The following ABCA3 variants were observed in gnomAD, a reference collection of about 807,000 sequenced individuals.
ABCA3 encodes ATP binding cassette subfamily A member 3, also known as phospholipid-transporting ATPase ABCA3.
Under a neutral mutation model 172.8 loss-of-function variants are expected in ABCA3, and 88 were observed. The ratio of observed to expected loss-of-function variants is 0.51; its 90% CI spans 0.43 to 0.61. ABCA3 has a LOEUF of 0.61. ABCA3 is among the 20% of genes least tolerant of loss of function. ABCA3 has a pLI of 0.00. For missense variants in ABCA3, 2,164 were observed against 2,301.0 expected (o/e 0.94, Z 1.22); for synonymous variants, 1,066 against 983.8 (o/e 1.08, Z -1.56).
intron 10 of ABCA3, among the ~76,000 whole-genome samples, chr16:2,312,846 T>C (rs1173297045): frequency 3.9e-5 from 6 of 151,946 alleles, no homozygotes; most frequent in African/African-American, 1.5e-4. Flanking sequence ...TTGCATTTTT[T>C]TTTTTTCAGC....
Position 2,286,729 on chromosome 16 carries a change from C to T in ABCA3, c.3243G>A (p.Arg1081=). Residue 1081 remains arginine, a synonymous_variant, in exon 22 of 33, where the codon CGG becomes CGA. Transcript: ENST00000301732. The surrounding 1 kb of genome is among the most constrained non-coding windows in gnomAD (Gnocchi z 5.2). ...GGTCCTTGGCAGCCTGCAGGGCGCTCCGGGGCTGGGGGAAGTTGGAGACCA... is the reference window on the plus strand; with the variant it reads ...GGTCCTTGGCAGCCTGCAGGGCGCTTCGGGGCTGGGGGAAGTTGGAGACCA... The part of the protein sequence containing the change: ...SIVVSNFPQP[R]SALQAAKDQF... 1 of 1,613,742 alleles carries T rather than the reference C, an allele frequency of 6.2e-7. No individual in the cohort carries two copies. The highest frequency in any genetic ancestry group is 1.1e-5 in the South Asian group (1 of 91,064).
intron 7 of ABCA3, among the ~76,000 whole-genome samples, chr16:2,320,133 C>T (rs2141733540): frequency 6.6e-6 from 1 of 151,972 alleles, no homozygotes; most frequent in Admixed American, 6.5e-5. Context: ...GAATCTCACT[C>T]TGTCGCCCAG....
chr16:2,278,158 C>T lies in ABCA3; in HGVS notation c.4719-89G>A. 1 of 1,600,438 alleles carries T rather than the reference C, an allele frequency of 6.2e-7. No homozygotes were observed. The highest frequency in any genetic ancestry group is 8.5e-7 in the Non-Finnish European group (1 of 1,174,942). The stretch of plus-strand genomic sequence containing the variant: ...CATTGGCTCTCCGATCAGGCTGTTC[C>T]TGATACCCATGCTCAGTGTGGCTCA... On this transcript the variant is annotated intron_variant, in intron 30 of 32. Coordinates refer to ENST00000301732, the MANE Select transcript of ABCA3 (RefSeq NM_001089.3). The surrounding 1 kb of genome is among the most constrained non-coding windows in gnomAD (Gnocchi z 4.4).
intron 1 of ABCA3, among the ~76,000 whole-genome samples, chr16:2,337,030 A>G (rs1373545927): frequency 2.0e-5 from 3 of 149,402 alleles, no homozygotes; most frequent in Admixed American, 2.0e-4. Flanking sequence ...CTCCCTCCTC[A>G]GCCTCCACAG....
At chr16:2,305,721 A>G (rs922929189) in intron 11 of ABCA3, among the ~76,000 whole-genome samples, 1 of 152,146 alleles carries the variant, frequency 6.6e-6, no homozygotes, top group Non-Finnish European at 1.5e-5. Context: ...CACCCCATCC[A>G]GCCTAGTATA....
At position 2,276,634 on chromosome 16, in the gene ABCA3, C is replaced by T; in HGVS notation, c.*40G>A. 6.2e-7 allele frequency: 1 copy of T among 1,607,312 alleles called. No individual in the cohort carries two copies. Among genetic ancestry groups the T allele is most frequent in the Non-Finnish European group, 8.5e-7 (1 of 1,177,996 alleles). On this transcript the variant is annotated 3_prime_UTR_variant, in exon 33 of 33. Transcript: ENST00000301732. ...AGGATGTAAGATGGGCCCTGCTTGCCCGTCCTGTCCCTGCCTGATGGCGAG... is the reference window on the plus strand; with the variant it reads ...AGGATGTAAGATGGGCCCTGCTTGCTCGTCCTGTCCCTGCCTGATGGCGAG...
intron 10 of ABCA3, among the ~76,000 whole-genome samples, chr16:2,310,379 T>C (rs1038338838): frequency 6.6e-6 from 1 of 151,632 alleles, no homozygotes; most frequent in Non-Finnish European, 1.5e-5. Context: ...CTGCACTCCA[T>C]CCTAGCGACA....
intron 18 of ABCA3, among the ~76,000 whole-genome samples, chr16:2,294,448 G>A (rs1370464903): frequency 6.6e-6 from 1 of 152,144 alleles, no homozygotes; most frequent in African/African-American, 2.4e-5. Context: ...AACTTTGGGA[G>A]GCTGAGGCGG....
intron 17 of ABCA3, among the ~76,000 whole-genome samples, chr16:2,296,801 A>G (rs1267983330): frequency 6.6e-6 from 1 of 152,152 alleles, no homozygotes; most frequent in African/African-American, 2.4e-5. Flanking sequence ...CAGAAGTGGG[A>G]CGTGAACTTG....
intron 10 of ABCA3, among the ~76,000 whole-genome samples, chr16:2,310,128 G>A (rs140993142): frequency 6.6e-6 from 1 of 152,256 alleles, no homozygotes; most frequent in East Asian, 1.9e-4. Context: ...AACCCCGGCT[G>A]GGTGTGGTGG....
At chr16:2,326,634 G>A (rs1026544971) in intron 3 of ABCA3, 142 bp from the exon 4 acceptor site, 3 of 918,454 alleles carry the variant, frequency 3.3e-6, no homozygotes, top group South Asian at 1.4e-5. Flanking sequence ...CCCCTGGAGG[G>A]AAGGGTACAA....
chr16:2,335,780 A>C (rs753110622), intron 1 of ABCA3, among the ~76,000 whole-genome samples: 3 of 152,196 alleles, frequency 2.0e-5, no homozygotes, highest in Non-Finnish European at 4.4e-5. Context: ...ACAAACAAAC[A>C]AACCACAAAA....
chr16:2,291,144 T>C (rs1307708117), intron 19 of ABCA3, among the ~76,000 whole-genome samples: 2 of 151,120 alleles, frequency 1.3e-5, no homozygotes, highest in Non-Finnish European at 2.9e-5. Context: ...CAGACCAGCA[T>C]GGCAAAACCC....
chr16:2,334,173 T>C (rs2093747954), intron 1 of ABCA3, among the ~76,000 whole-genome samples: 1 of 151,916 alleles, frequency 6.6e-6, no homozygotes, highest in South Asian at 2.1e-4. Flanking sequence ...GGAGGTGACA[T>C]GGGAAGCCGG....
Position 2,297,667 on chromosome 16 carries a change from G to T in ABCA3, c.2052+99C>A. 1 of 1,590,868 alleles carries T rather than the reference G, an allele frequency of 6.3e-7. No homozygotes were observed. Among genetic ancestry groups the T allele is most frequent in the Non-Finnish European group, 8.5e-7 (1 of 1,172,674 alleles). ...GTCCTCCAAGGATGGTGATGGCCTT[G>T]TCTGGGGTGTCAAGGGCCAAGGTGC... On this transcript the variant is annotated intron_variant, in intron 16 of 32. Transcript: ENST00000301732. The surrounding 1 kb of genome is among the most constrained non-coding windows in gnomAD (Gnocchi z 5.6).
intron 12 of ABCA3, among the ~76,000 whole-genome samples, chr16:2,302,151 A>G (rs112693381): frequency 1.3e-5 from 2 of 152,230 alleles, no homozygotes; most frequent in African/African-American, 4.8e-5. Flanking sequence ...CTGTTAATAA[A>G]TATGTGGGTA....
chr16:2,338,183 A>G (rs1212976576), intron 1 of ABCA3, among the ~76,000 whole-genome samples: 1 of 152,134 alleles, frequency 6.6e-6, no homozygotes, highest in Non-Finnish European at 1.5e-5. Flanking sequence ...GGCTCCCGCA[A>G]AGGCACCTGT....
chr16:2,296,131 C>G (rs1024929823), intron 17 of ABCA3, among the ~76,000 whole-genome samples: 1 of 152,160 alleles, frequency 6.6e-6, no homozygotes, highest in Non-Finnish European at 1.5e-5. Context: ...TCAGCAGGAG[C>G]AGGAGCAAGA....
intron 10 of ABCA3, among the ~76,000 whole-genome samples, chr16:2,312,527 T>G (rs1303971887): frequency 2.1e-5 from 3 of 141,934 alleles, no homozygotes; most frequent in South Asian, 2.3e-4. Context: ...AAATTGGCAT[T>G]TTTCTTTTTT....
Sources: allele counts gnomAD v4.1 joint callset (sites outside exome capture counted in the v4.1 genomes callset), GRCh38; gene constraint gnomAD v4.1.1; non-coding constraint Gnocchi (gnomAD v3.1); transcripts MANE v1.5; gene names NCBI Gene and HGNC (gene_info 2026-07-23, HGNC 2026-07-21).